DENND1A: variants seen among roughly 807,000 people sequenced by gnomAD.
DENND1A encodes the protein DENN domain containing 1A, also known as DENN domain-containing protein 1A.
Under a neutral mutation model 113.7 loss-of-function variants are expected in DENND1A, and 51 were observed. The observed-to-expected ratio is 0.45, with a 90% CI of 0.36 to 0.57. The LOEUF (loss-of-function observed/expected upper bound fraction) is 0.57, where lower values mean the gene tolerates loss of function less well. DENND1A is among the 20% of genes least tolerant of loss of function. The pLI, the probability that DENND1A is intolerant of heterozygous loss-of-function variation, is 0.00. For missense variants in DENND1A, 1,258 were observed against 1,395.9 expected (o/e 0.90, Z 1.57); for synonymous variants, 565 against 570.8 (o/e 0.99, Z 0.14).
At chr9:123,479,370 C>G (rs1351940032) in intron 13 of DENND1A, among the ~76,000 whole-genome samples, 1 of 152,236 alleles carries the variant, frequency 6.6e-6, no homozygotes. Flanking sequence ...CTTTTCAGCC[C>G]TGCTTCTCAT....
rs1037729488 is a variant in DENND1A at position 123,382,592 on chromosome 9, C to G, written c.2053G>C (p.Gly685Arg). Reference protein sequence around the residue: ...LDLGGSERSRGVTVALKLTHP... With the variant: ...LDLGGSERSRRVTVALKLTHP... ...GTAAGCTTCAAGGCCACTGTCACCC[C>G]GCGGCTCCTCTCACTCCCGCCCAGA... is the stretch of plus-strand genomic sequence containing the variant. Residue 685 changes from glycine to arginine, a missense_variant, in exon 24 of 24, where the codon GGG becomes CGG. Transcript: ENST00000394215. 1 of 1,614,032 alleles carries G rather than the reference C, an allele frequency of 6.2e-7. No individual in the cohort carries two copies. Among genetic ancestry groups the G allele is most frequent in the East Asian group, 2.2e-5 (1 of 44,872 alleles).
At chr9:123,498,347 A>G (rs2052135406) in intron 13 of DENND1A, among the ~76,000 whole-genome samples, 1 of 152,214 alleles carries the variant, frequency 6.6e-6, no homozygotes, top group Non-Finnish European at 1.5e-5. Flanking sequence ...TTGTATAAAG[A>G]GCAGAACTTG....
intron 12 of DENND1A, among the ~76,000 whole-genome samples, chr9:123,558,161 G>A (rs1195364942): frequency 2.0e-5 from 3 of 152,178 alleles, no homozygotes; most frequent in African/African-American, 7.2e-5. Flanking sequence ...AATCCGGTGA[G>A]GAAGGGATTA....
At chr9:123,625,413 C>T (rs961334883) in intron 10 of DENND1A, among the ~76,000 whole-genome samples, 5 of 152,218 alleles carry the variant, frequency 3.3e-5, no homozygotes, top group African/African-American at 9.6e-5. Flanking sequence ...TTTAAACTAG[C>T]TAACAATTTA....
At chr9:123,582,605 T>C (rs763326323) in intron 12 of DENND1A, among the ~76,000 whole-genome samples, 2 of 152,090 alleles carry the variant, frequency 1.3e-5, no homozygotes, top group South Asian at 2.1e-4. Context: ...TTCACCATGT[T>C]AGCCAGGATG....
chr9:123,647,137 G>A (rs962506803), intron 9 of DENND1A, among the ~76,000 whole-genome samples: 2 of 152,036 alleles, frequency 1.3e-5, no homozygotes, highest in African/African-American at 4.8e-5. Context: ...TCATGATAAA[G>A]GAGCTTTGTA....
At chr9:123,832,925 C>A (rs920682901) in intron 2 of DENND1A, among the ~76,000 whole-genome samples, 1 of 151,616 alleles carries the variant, frequency 6.6e-6, no homozygotes, top group Non-Finnish European at 1.5e-5. Flanking sequence ...CCATTTGAAC[C>A]CAGGTGTTCA....
intron 13 of DENND1A, among the ~76,000 whole-genome samples, chr9:123,497,180 C>T (rs977645397): frequency 6.6e-6 from 1 of 152,240 alleles, no homozygotes; most frequent in Non-Finnish European, 1.5e-5. Flanking sequence ...TTTGCATCTA[C>T]AGCCGACTTC....
intron 13 of DENND1A, among the ~76,000 whole-genome samples, chr9:123,494,720 A>G (rs780179914): frequency 1.3e-4 from 20 of 152,030 alleles, no homozygotes; most frequent in Non-Finnish European, 1.9e-4. Context: ...TAACTATTCA[A>G]TAAGCTCCTA....
At chr9:123,673,123 A>G (rs1183119761) in intron 6 of DENND1A, among the ~76,000 whole-genome samples, 1 of 152,210 alleles carries the variant, frequency 6.6e-6, no homozygotes, top group East Asian at 1.9e-4. Context: ...TCTGATGTCA[A>G]TGTCCCTTCA....
At chr9:123,834,034 G>C (rs1183355357) in intron 2 of DENND1A, among the ~76,000 whole-genome samples, 2 of 152,130 alleles carry the variant, frequency 1.3e-5, no homozygotes, top group Non-Finnish European at 2.9e-5. Flanking sequence ...CCAGCCTGGC[G>C]AAAGAGCAAG....
chr9:123,587,496 T>C (rs1299253571), intron 11 of DENND1A, among the ~76,000 whole-genome samples: 1 of 152,126 alleles, frequency 6.6e-6, no homozygotes, highest in East Asian at 1.9e-4. Flanking sequence ...GCCCTAACCC[T>C]AAAGAGGCCT....
At chr9:123,688,537 A>G (rs1293098934) in intron 5 of DENND1A, among the ~76,000 whole-genome samples, 3 of 152,196 alleles carry the variant, frequency 2.0e-5, no homozygotes, top group African/African-American at 7.2e-5. Context: ...TAGAGGCAAC[A>G]GGCGCAGAGC....
At chr9:123,791,752 G>A (rs1833019121) in intron 3 of DENND1A, among the ~76,000 whole-genome samples, 1 of 152,148 alleles carries the variant, frequency 6.6e-6, no homozygotes, top group South Asian at 2.1e-4. Flanking sequence ...TGCTTTTACT[G>A]TATATGGTAT....
At chr9:123,715,624 A>G (rs76701417) in intron 5 of DENND1A, among the ~76,000 whole-genome samples, 2,394 of 152,250 alleles carry the variant, frequency 0.016, 66 homozygotes, top group African/African-American at 0.055. Context: ...ATCATCAACT[A>G]TATGTCTAGA....
intron 10 of DENND1A, among the ~76,000 whole-genome samples, chr9:123,610,712 C>T (rs1042698974): frequency 6.6e-6 from 1 of 152,128 alleles, no homozygotes; most frequent in African/African-American, 2.4e-5. Context: ...TACTTTTCTT[C>T]TGGGGCAGCT....
Position 123,381,448 on chromosome 9 carries a change from C to T in DENND1A, c.3197G>A (p.Trp1066Ter). Residue 1066 changes from tryptophan to a stop codon, truncating the protein, a stop_gained, in exon 24 of 24, where the codon TGG becomes TAG. Transcript: ENST00000394215. LOFTEE classifies it high-confidence loss of function. The surrounding 1 kb of genome is among the most constrained non-coding windows in gnomAD (Gnocchi z 4.7). The part of the protein sequence containing the change: ...PDSVEQLRKQ[W>*]ETFE ...GGGCCCGGCTCACTCGAAGGTCTCC[C>T]ACTGCTTCCTGAGCTGCTCCACCGA... 6.2e-7 allele frequency: 1 copy of T among 1,613,222 alleles called. No homozygotes were observed. Among genetic ancestry groups the T allele is most frequent in the Non-Finnish European group, 8.5e-7 (1 of 1,179,944 alleles).
intron 3 of DENND1A, 26 bp downstream of exon 3, chr9:123,792,561 T>TA: frequency 6.2e-7 from 1 of 1,610,108 alleles, no homozygotes; most frequent in Non-Finnish European, 8.5e-7. Context: ...TTTTGTCATG[T>TA]AAAAAATTAA....
chr9:123,413,895 C>A, intron 19 of DENND1A: 2 of 985,540 alleles, frequency 2.0e-6, no homozygotes, highest in Non-Finnish European at 2.4e-6. Context: ...GGAGCCCACC[C>A]CCTCCACCGG....
Sources: gnomAD v4.1 joint callset for allele counts (sites outside exome capture counted in the v4.1 genomes callset) on GRCh38, gnomAD v4.1.1 for gene constraint, Gnocchi (gnomAD v3.1) non-coding constraint, MANE v1.5 for transcripts, NCBI Gene and HGNC (gene_info 2026-07-23, HGNC 2026-07-21) for gene names.